The following IL1RAPL2 variants were observed in gnomAD, a reference collection of about 807,000 sequenced individuals.
IL1RAPL2 encodes X-linked interleukin-1 receptor accessory protein-like 2.
In IL1RAPL2, 3 loss-of-function variants were observed where a neutral mutation model predicts 44.1. That is an observed-to-expected ratio of 0.07 (90% CI 0.03 to 0.18). The LOEUF (loss-of-function observed/expected upper bound fraction) is 0.18. Ranked by LOEUF, IL1RAPL2 falls within the 10% of genes least tolerant of loss-of-function variation. IL1RAPL2 has a pLI of 1.00. For synonymous variants in IL1RAPL2, 181 were observed against 178.8 expected, an observed-to-expected ratio of 1.01 and a Z score of -0.10; for missense variants, 391 against 496.4, an observed-to-expected ratio of 0.79 and a Z score of 2.02.
chrX:105,256,517 T>C (rs5962494), intron 4 of IL1RAPL2, among the ~76,000 whole-genome samples: 18,173 of 109,212 alleles, frequency 0.17, 3,035 homozygotes, highest in African/African-American at 0.51. Context: ...TTAGTAGAGA[T>C]GGGGCTTCAC....
At chrX:105,288,177 T>A (rs188863784) in intron 5 of IL1RAPL2, among the ~76,000 whole-genome samples, 1 of 111,273 alleles carries the variant, frequency 9.0e-6, no homozygotes, top group African/African-American at 3.3e-5. Flanking sequence ...GAGTCCTTTT[T>A]TTTCCTTCCT....
intron 2 of IL1RAPL2, among the ~76,000 whole-genome samples, chrX:104,671,243 C>G (rs1930596184): frequency 9.0e-6 from 1 of 110,861 alleles, no homozygotes; most frequent in African/African-American, 3.3e-5. Context: ...CTTCTCAGTC[C>G]TATTTTTGTG....
At chrX:105,526,675 C>T (rs755747190) in intron 6 of IL1RAPL2, among the ~76,000 whole-genome samples, 39 of 111,684 alleles carry the variant, frequency 3.5e-4, no homozygotes, top group Middle Eastern at 4.7e-3. Context: ...AGGACTCTGG[C>T]ATTTTGGCAG....
At chrX:105,035,249 C>T (rs932798963) in intron 2 of IL1RAPL2, among the ~76,000 whole-genome samples, 2 of 111,652 alleles carry the variant, frequency 1.8e-5, no homozygotes, top group African/African-American at 6.5e-5. Flanking sequence ...CACCCACTGT[C>T]CTGCACCCAC....
At chrX:105,423,867 TAA>T (rs111770482) in intron 5 of IL1RAPL2, among the ~76,000 whole-genome samples, 4 of 86,008 alleles carry the variant, frequency 4.7e-5, no homozygotes, top group Non-Finnish European at 4.8e-5. Context: ...TGGAAACAAG[TAA>T]AAAAAAAAAA....
chrX:105,238,646 G>A, intron 4 of IL1RAPL2, among the ~76,000 whole-genome samples: 1 of 111,492 alleles, frequency 9.0e-6, no homozygotes, highest in Non-Finnish European at 1.9e-5. Context: ...TAGCACAAGT[G>A]AGTCCCTTTT....
chrX:105,221,759 T>C (rs1364996374), intron 3 of IL1RAPL2, among the ~76,000 whole-genome samples: 1 of 112,055 alleles, frequency 8.9e-6, no homozygotes, highest in East Asian at 2.8e-4. Flanking sequence ...ACTAATGGCC[T>C]CTTGCTTATT....
intron 5 of IL1RAPL2, among the ~76,000 whole-genome samples, chrX:105,349,861 A>C (rs2035139112): frequency 8.9e-6 from 1 of 111,883 alleles, no homozygotes; most frequent in Non-Finnish European, 1.9e-5. Flanking sequence ...ATGATGAACC[A>C]GAAAAAAATG....
In IL1RAPL2 at chrX:104,624,950, A is replaced by C. The variant is rs758324288; in HGVS notation, c.-19-33945A>C. On this transcript the variant is annotated intron_variant, in intron 1 of 10. Coordinates refer to ENST00000372582, the MANE Select transcript of IL1RAPL2 (RefSeq NM_017416.2). ...CCAATAATATGTCTTGTATTACCTC[A>C]CTTTCATTTAAAAATTATATATCAC... 8.9e-5 allele frequency among the ~76,000 whole-genome samples: 10 copies of C among 112,084 alleles called. No homozygotes were observed. The South Asian group carries it at 3.0e-3, about 34-fold the overall frequency.
At chrX:105,047,489 A>G (rs1246355861) in intron 2 of IL1RAPL2, among the ~76,000 whole-genome samples, 1 of 111,795 alleles carries the variant, frequency 8.9e-6, no homozygotes, top group African/African-American at 3.3e-5. Context: ...TCCCTGAACT[A>G]TTTCCTTTGG....
At chrX:105,654,372 TC>T (rs1318089329) in intron 6 of IL1RAPL2, among the ~76,000 whole-genome samples, 1 of 111,486 alleles carries the variant, frequency 9.0e-6, no homozygotes, top group Non-Finnish European at 1.9e-5. Context: ...CTTCTACTTT[TC>T]TTTTATCCCC....
At chrX:104,854,308 G>C (rs1475986843) in intron 2 of IL1RAPL2, among the ~76,000 whole-genome samples, 1 of 110,821 alleles carries the variant, frequency 9.0e-6, no homozygotes, top group Admixed American at 9.7e-5. Context: ...TCATTAAGTG[G>C]TGAGAAAGAA....
rs780823804 is a variant in IL1RAPL2 at position 105,661,782 on chromosome X, A to G, written c.773-55585A>G. Among the ~76,000 whole-genome samples, 22 of 112,606 alleles carry G rather than the reference A, an allele frequency of 2.0e-4. 1 individual carries two copies. The South Asian group carries it at 7.7e-3, about 39-fold the overall frequency. Reference sequence around the variant, plus strand: ...GAAAGCCATTCTGCATTCTTTTTCTACTTCCCAGTTGACACTGGAGTTGCT... The same window carrying G: ...GAAAGCCATTCTGCATTCTTTTTCTGCTTCCCAGTTGACACTGGAGTTGCT... On this transcript the variant is annotated intron_variant, in intron 6 of 10. Transcript: ENST00000372582.
At chrX:105,023,381 G>A (rs774406518) in intron 2 of IL1RAPL2, among the ~76,000 whole-genome samples, 1 of 111,267 alleles carries the variant, frequency 9.0e-6, no homozygotes, top group Non-Finnish European at 1.9e-5. Flanking sequence ...TCGTGCTCCA[G>A]CCTCTTGTTT....
intron 2 of IL1RAPL2, among the ~76,000 whole-genome samples, chrX:104,706,575 T>G (rs1490119917): frequency 8.9e-6 from 1 of 112,158 alleles, no homozygotes; most frequent in Non-Finnish European, 1.9e-5. Context: ...TCTTCAAACA[T>G]CTCTCCTCCA....
intron 2 of IL1RAPL2, among the ~76,000 whole-genome samples, chrX:104,722,304 A>G (rs1569303033): frequency 9.0e-6 from 1 of 111,588 alleles, no homozygotes; most frequent in Non-Finnish European, 1.9e-5. Context: ...ATTTTATATT[A>G]TTTTCATTTG....
chrX:105,535,765 A>G (rs984504276), intron 6 of IL1RAPL2, among the ~76,000 whole-genome samples: 2 of 111,635 alleles, frequency 1.8e-5, no homozygotes, highest in Middle Eastern at 9.2e-3. Flanking sequence ...AGCCACTGCC[A>G]GAGGTTAGGA....
intron 2 of IL1RAPL2, among the ~76,000 whole-genome samples, chrX:105,042,908 A>T (rs1338915719): frequency 1.9e-5 from 2 of 107,653 alleles, no homozygotes; most frequent in Non-Finnish European, 3.8e-5. Context: ...ATAAAAAAGG[A>T]TGAGTTCATG....
At chrX:105,174,766 T>C (rs1170096944) in intron 2 of IL1RAPL2, among the ~76,000 whole-genome samples, 2 of 111,739 alleles carry the variant, frequency 1.8e-5, no homozygotes, top group South Asian at 7.5e-4. Flanking sequence ...ACGCTCTGGC[T>C]GAGTCCCGAA....
Sources: gnomAD v4.1 joint callset for allele counts (sites outside exome capture counted in the v4.1 genomes callset) on GRCh38, gnomAD v4.1.1 for gene constraint, MANE v1.5 for transcripts, NCBI Gene and HGNC (gene_info 2026-07-23, HGNC 2026-07-21) for gene names.